The following HIVEP3 variants were observed in gnomAD, a reference collection of about 807,000 sequenced individuals.
HIVEP3 encodes transcription factor HIVEP3.
Under a neutral mutation model 152.8 loss-of-function variants are expected in HIVEP3, and 49 were observed. The ratio of observed to expected loss-of-function variants is 0.32; its 90% confidence interval spans 0.26 to 0.41. The LOEUF (loss-of-function observed/expected upper bound fraction) is 0.41, where lower values mean the gene tolerates loss of function less well. Ranked by LOEUF, HIVEP3 falls within the 10% of genes least tolerant of loss-of-function variation. The pLI, the probability that HIVEP3 is intolerant of heterozygous loss-of-function variation, is 1.00. For missense variants in HIVEP3, 2,790 were observed against 3,103.3 expected (o/e 0.90, Z 2.40); for synonymous variants, 1,269 against 1,289.0 (o/e 0.98, Z 0.33).
At chr1:41,528,485 A>C (rs1320684992) in intron 5 of HIVEP3, among the ~76,000 whole-genome samples, 3 of 32,470 alleles carry the variant, frequency 9.2e-5, no homozygotes, top group African/African-American at 1.3e-4. Flanking sequence ...CACACTCCAC[A>C]CCCCCACCCT....
At chr1:41,765,779 A>G (rs910776802) in intron 1 of HIVEP3, among the ~76,000 whole-genome samples, 8 of 152,008 alleles carry the variant, frequency 5.3e-5, no homozygotes, top group Admixed American at 5.2e-4. Context: ...CATCTTTCCT[A>G]TCCCATTGAC....
chr1:41,568,455 C>A (rs758512524), intron 5 of HIVEP3, among the ~76,000 whole-genome samples: 2 of 152,200 alleles, frequency 1.3e-5, no homozygotes, highest in South Asian at 2.1e-4. Context: ...GAGCTGGAGC[C>A]GGCACATGCA....
At chr1:41,948,279 C>T (rs1365008404) in intron 1 of HIVEP3, among the ~76,000 whole-genome samples, 2 of 152,152 alleles carry the variant, frequency 1.3e-5, no homozygotes, top group Non-Finnish European at 2.9e-5. Context: ...CACTCGGGCA[C>T]TAGAATTAGG....
At chr1:41,739,629 C>A (rs1403368833) in intron 1 of HIVEP3, among the ~76,000 whole-genome samples, 1 of 152,222 alleles carries the variant, frequency 6.6e-6, no homozygotes, top group East Asian at 1.9e-4. Context: ...CTCAGGCGCT[C>A]CTTCCACTCC....
At chr1:41,771,722 G>C (rs1216301043) in intron 1 of HIVEP3, among the ~76,000 whole-genome samples, 3 of 152,150 alleles carry the variant, frequency 2.0e-5, no homozygotes, top group Non-Finnish European at 2.9e-5. Flanking sequence ...AGGCTGGAGT[G>C]CAGTGGTGTA....
rs913661278 is a variant in HIVEP3 at position 41,859,815 on chromosome 1, T to G, written c.-801+58598A>C. Among the ~76,000 whole-genome samples, 17 of 152,368 alleles carry G rather than the reference T, an allele frequency of 1.1e-4. No individual in the cohort carries two copies. The South Asian group carries it at 3.5e-3, about 32-fold the overall frequency. ...ATGACTAACAGTTTTTCATTTGCCT[T>G]GTTCCTCTTGCGAATTGCCTGTTCA... On this transcript the variant is annotated intron_variant, in intron 1 of 8. Transcript: ENST00000372583.
At chr1:41,609,991 C>T (rs924290241) in intron 3 of HIVEP3, among the ~76,000 whole-genome samples, 3 of 152,218 alleles carry the variant, frequency 2.0e-5, no homozygotes, top group African/African-American at 4.8e-5. Context: ...CTCGGTTGAA[C>T]GCCTTAACAG....
intron 1 of HIVEP3, among the ~76,000 whole-genome samples, chr1:41,912,077 CTAGACAATATATTGTT>C (rs2124465872): frequency 6.6e-6 from 1 of 152,206 alleles, no homozygotes; most frequent in South Asian, 2.1e-4. Flanking sequence ...ACACGCATAA[CTAGACAATATATTGTT>C]TAGGGATACA....
intron 1 of HIVEP3, among the ~76,000 whole-genome samples, chr1:41,731,073 C>A (rs1054384137): frequency 1.3e-5 from 2 of 152,156 alleles, no homozygotes; most frequent in Non-Finnish European, 2.9e-5. Context: ...GAACTCACTA[C>A]CTCCTAGAGT....
At chr1:41,794,152 T>C (rs1292061130) in intron 1 of HIVEP3, among the ~76,000 whole-genome samples, 1 of 152,184 alleles carries the variant, frequency 6.6e-6, no homozygotes, top group African/African-American at 2.4e-5. Flanking sequence ...TGGCTGGGGA[T>C]GCCTCACAAT....
intron 5 of HIVEP3, among the ~76,000 whole-genome samples, chr1:41,546,034 C>T (rs1468240650): frequency 6.6e-6 from 1 of 152,246 alleles, no homozygotes; most frequent in Non-Finnish European, 1.5e-5. Context: ...AGCTCTGCTC[C>T]TTACAACCTG....
At chr1:41,529,523 C>T (rs1643169209) in intron 5 of HIVEP3, among the ~76,000 whole-genome samples, 2 of 107,236 alleles carry the variant, frequency 1.9e-5, no homozygotes, top group South Asian at 6.2e-4. Context: ...TATGCTGACA[C>T]CCCTACCCTC....
chr1:41,898,490 T>C (rs573371904), intron 1 of HIVEP3, among the ~76,000 whole-genome samples: 1 of 152,338 alleles, frequency 6.6e-6, no homozygotes, highest in South Asian at 2.1e-4. Flanking sequence ...GTTTCTGCCA[T>C]TTACCATTAC....
chr1:41,738,845 G>A (rs1349077083), intron 1 of HIVEP3, among the ~76,000 whole-genome samples: 1 of 152,200 alleles, frequency 6.6e-6, no homozygotes, highest in Non-Finnish European at 1.5e-5. Context: ...CCTACAAACA[G>A]GGTAAAGAAA....
intron 1 of HIVEP3, among the ~76,000 whole-genome samples, chr1:41,871,069 G>A (rs534952366): frequency 6.6e-6 from 1 of 152,282 alleles, no homozygotes; most frequent in South Asian, 2.1e-4. Flanking sequence ...GGAACAAGAT[G>A]GGTTAAAACC....
At chr1:41,777,424 C>A (rs534491652) in intron 1 of HIVEP3, among the ~76,000 whole-genome samples, 5 of 152,206 alleles carry the variant, frequency 3.3e-5, no homozygotes, top group Non-Finnish European at 7.3e-5. Context: ...GCTCTCTTGA[C>A]CCTCCAGCTC....
intron 1 of HIVEP3, among the ~76,000 whole-genome samples, chr1:41,775,779 C>G (rs1376870584): frequency 6.6e-6 from 1 of 152,150 alleles, no homozygotes; most frequent in Non-Finnish European, 1.5e-5. Flanking sequence ...CCGCACCCAG[C>G]CAGAAGGAGT....
chr1:41,524,593 C>G, intron 6 of HIVEP3, 142 bp downstream of exon 6: 2 of 772,604 alleles, frequency 2.6e-6, no homozygotes, highest in South Asian at 3.3e-5. Flanking sequence ...CCACTGGGCA[C>G]CAAGCTGGGT....
In HIVEP3 at chr1:41,510,982, G is replaced by A. The variant is rs141844226; in HGVS notation, c.6690C>T (p.Ser2230=). 208 of 1,613,368 alleles carry A rather than the reference G, an allele frequency of 1.3e-4. No individual in the cohort carries two copies. Among genetic ancestry groups the A allele is most frequent in the Admixed American group, 2.8e-4 (17 of 59,976 alleles). The change falls in exon 9 of 9, where the codon AGC becomes AGT. Residue 2230 remains serine (S), a synonymous_variant. Coordinates refer to ENST00000372583, the MANE Select transcript of HIVEP3 (RefSeq NM_024503.5). The part of the protein sequence containing the change: ...AWVSGFSGGG[S]DLTGAREAQE... ...GGGCCTCCCGGGCCCCTGTCAGGTC[G>A]CTGCCACCCCCGGAGAAGCCACTGA...
Sources: gnomAD v4.1 joint callset for allele counts (sites outside exome capture counted in the v4.1 genomes callset) on GRCh38, gnomAD v4.1.1 for gene constraint, MANE v1.5 for transcripts, NCBI Gene and HGNC (gene_info 2026-07-23, HGNC 2026-07-21) for gene names.